Variants in TRMT5 observed in about 807,000 individuals in gnomAD.
TRMT5 encodes the protein tRNA methyltransferase 5.
Under a neutral mutation model 42.2 loss-of-function variants are expected in TRMT5, and 31 were observed. The ratio of observed to expected loss-of-function variants is 0.73; its 90% confidence interval spans 0.55 to 0.99. The LOEUF is 0.99. Among genes scored for constraint, TRMT5 ranks in the 50% least tolerant of loss-of-function variants. The pLI, the probability that TRMT5 is intolerant of heterozygous loss-of-function variation, is 0.00. For synonymous variants in TRMT5, 198 were observed against 209.6 expected, an observed-to-expected ratio of 0.94 and a Z score of 0.48; for missense variants, 568 against 595.0, an observed-to-expected ratio of 0.95 and a Z score of 0.47.
rs2036831512 is a variant in TRMT5 at position 60,975,414 on chromosome 14, G to T, written c.1444+61C>A. ...ATACTGCATTAAAATTTGTAAAACTGGGAGGAATTAGTTACAATTGAATGG... is the reference window on the plus strand; with the variant it reads ...ATACTGCATTAAAATTTGTAAAACTTGGAGGAATTAGTTACAATTGAATGG... On this transcript the variant is annotated intron_variant, in intron 4 of 4. Transcript: ENST00000261249. 2.6e-6 allele frequency: 4 copies of T among 1,558,230 alleles called. No individual in the cohort carries two copies. The East Asian group carries it at 9.0e-5, about 35-fold the overall frequency.
chr14:60,979,197 T>G lies in TRMT5; in HGVS notation c.667+34A>C, dbSNP rs1196142606. 76 of 1,515,638 alleles carry G rather than the reference T, an allele frequency of 5.0e-5. 1 individual carries two copies. The highest frequency in any genetic ancestry group is 6.5e-5 in the Non-Finnish European group (74 of 1,132,536). The allele number at this position is 1,515,638 out of a possible 1,614,324, so 93.9% of individuals were successfully genotyped here. A position where few individuals can be genotyped will look rare whatever the true frequency, so the allele number is the denominator to read the frequency against. ...TAAAATTAACAATTTGCAAATTCCCTTCAAATACATGAATATTACTATGAC... is the reference window on the plus strand; with the variant it reads ...TAAAATTAACAATTTGCAAATTCCCGTCAAATACATGAATATTACTATGAC... On this transcript the variant is annotated intron_variant, in intron 2 of 4. Transcript: ENST00000261249.
rs774324372 is a variant in TRMT5, at chr14:60,981,065, G to A, written c.-92C>T. 15 of 1,606,410 alleles carry A rather than the reference G, an allele frequency of 9.3e-6. No homozygotes were observed. The highest frequency in any genetic ancestry group is 1.3e-5 in the Non-Finnish European group (15 of 1,179,658). On this transcript the variant is annotated 5_prime_UTR_variant, in exon 1 of 5. Transcript: ENST00000261249. ...GATCGGATGTGGGTCGCGGGTGGAT[G>A]GGCGGGTCTTCTATGACATCATCAC...
rs746262994 is a variant in TRMT5 at position 60,975,008 on chromosome 14, G to C, written c.*101C>G. The C allele has an allele frequency of 6.4e-5, 55 of 855,078 alleles. No individual in the cohort carries two copies. Among genetic ancestry groups the C allele is most frequent in the Non-Finnish European group, 9.3e-5 (53 of 567,458 alleles). 53.0% of individuals were successfully genotyped at this position (855,078 alleles called of 1,614,324 possible). On this transcript the variant is annotated 3_prime_UTR_variant, in exon 5 of 5. Coordinates refer to ENST00000261249, the MANE Select transcript of TRMT5 (RefSeq NM_020810.3). ...ATTTGTAAAATAAGGCAAAGTACAA[G>C]GGTTCAATAGTAAAAACCAAACCCT...
intron 3 of TRMT5, among the ~76,000 whole-genome samples, chr14:60,976,945 G>T (rs761904739): frequency 6.6e-6 from 1 of 152,040 alleles, no homozygotes; most frequent in Non-Finnish European, 1.5e-5. Flanking sequence ...AGAATCAAAG[G>T]CCAGAAAGTT....
chr14:60,978,276 A>C (rs973466832), intron 2 of TRMT5, among the ~76,000 whole-genome samples: 1 of 152,248 alleles, frequency 6.6e-6, no homozygotes, highest in Admixed American at 6.5e-5. Context: ...AAAGTTATAA[A>C]AATCTATATG....
chr14:60,979,288 C>CA lies in TRMT5; in HGVS notation c.609dup (p.Gly204TrpfsTer25), dbSNP rs1488568176. The CA allele has an allele frequency of 1.2e-6, 2 of 1,613,852 alleles. No individual in the cohort carries two copies. The highest frequency in any genetic ancestry group is 2.7e-5 in the African/African-American group (2 of 74,902). On this transcript the variant is annotated frameshift_variant, in exon 2 of 5. Transcript: ENST00000261249. LOFTEE classifies it high-confidence loss of function. ...CGAAGGTTTAGGTGTGCAATATGTC[C>CA]AATCCTGCTAAACCCTGAAGTTACA...
At position 60,973,569 on chromosome 14, in the gene TRMT5, T is replaced by A. The variant is rs770267016; in HGVS notation, c.*1540A>T. 1 of 152,224 alleles carries A rather than the reference T, an allele frequency of 6.6e-6. No homozygotes were observed. The highest frequency in any genetic ancestry group is 1.5e-5 in the Non-Finnish European group (1 of 68,066). The allele number at this position is 152,224 out of a possible 1,614,324, so 9.4% of individuals were successfully genotyped here. ...ATTGGGAAGCCGAGATGGGAAGATC[T>A]CAAGCCTAGGAGTTCAAGGTTACAT... On this transcript the variant is annotated 3_prime_UTR_variant, in exon 5 of 5. Transcript: ENST00000261249.
In TRMT5 at chr14:60,977,559, A is replaced by G. The variant is rs758363782; in HGVS notation, c.747T>C (p.Asn249=). Residue 249 remains asparagine, a synonymous_variant, in exon 3 of 5, where the codon AAT becomes AAC. Coordinates refer to ENST00000261249, the MANE Select transcript of TRMT5 (RefSeq NM_020810.3). ...KINNIDNMYR[N]FQMEVLSGEQ... ...CTCCAGATAGCACTTCCATTTGGAA[A>G]TTTCGGTACATATTGTCAATATTAT... 1 of 1,611,248 alleles carries G rather than the reference A, an allele frequency of 6.2e-7. No individual in the cohort carries two copies. The highest frequency in any genetic ancestry group is 8.5e-7 in the Non-Finnish European group (1 of 1,178,512).
At chr14:60,978,588 G>A (rs1281726733) in intron 2 of TRMT5, among the ~76,000 whole-genome samples, 3 of 152,130 alleles carry the variant, frequency 2.0e-5, no homozygotes, top group African/African-American at 7.2e-5. Context: ...CACTTTTAAT[G>A]TATGAGTGCC....
At chr14:60,977,693 T>A in intron 2 of TRMT5, 55 bp from the exon 3 acceptor site, 1 of 1,488,318 alleles carries the variant, frequency 6.7e-7, no homozygotes, top group Non-Finnish European at 9.0e-7. Context: ...AAATAAAAGC[T>A]AACATTGTTA....
chr14:60,976,233 G>A (rs994035841), intron 3 of TRMT5, 107 bp from the exon 4 acceptor site: 99 of 1,276,184 alleles, frequency 7.8e-5, no homozygotes, highest in Non-Finnish European at 1.0e-4. Flanking sequence ...ACACATTTAA[G>A]TTTACTACTG....
In TRMT5 at chr14:60,973,555, G is replaced by A. The variant is rs959603218; in HGVS notation, c.*1554C>T. On this transcript the variant is annotated 3_prime_UTR_variant, in exon 5 of 5. Transcript: ENST00000261249. Reference sequence around the variant, plus strand: ...TGTAACCTTCACACATTGGGAAGCCGAGATGGGAAGATCTCAAGCCTAGGA... The same window carrying A: ...TGTAACCTTCACACATTGGGAAGCCAAGATGGGAAGATCTCAAGCCTAGGA... 2 of 152,250 alleles carry A rather than the reference G, an allele frequency of 1.3e-5. No homozygotes were observed. The highest frequency in any genetic ancestry group is 2.1e-4 in the South Asian group (1 of 4,826). 9.4% of individuals were successfully genotyped at this position (152,250 alleles called of 1,614,324 possible). A position where few individuals can be genotyped will look rare whatever the true frequency, so the allele number is the denominator to read the frequency against.
At chr14:60,981,407 C>A (rs112283719), upstream of TRMT5, 65 of 1,564,714 alleles carry the variant, frequency 4.2e-5, no homozygotes, top group African/African-American at 5.4e-4. Flanking sequence ...TTCGCTTCCC[C>A]GCGCTGACGC....
rs770753163 is a variant in TRMT5, at chr14:60,979,702, G to T, written c.196C>A (p.His66Asn). ...GAAAACAATTCAGTCTCTCTCTCAT[G>T]TGTTTCTGTTTCTGGCATGGTTGAG... ...RFSTMPETET[H>N]ERETELFSPP... Residue 66 changes from histidine (H) to asparagine (N), a missense_variant, in exon 2 of 5, where the codon CAT becomes AAT. Transcript: ENST00000261249. 6.2e-7 allele frequency: 1 copy of T among 1,614,126 alleles called. No individual in the cohort carries two copies. Among genetic ancestry groups the T allele is most frequent in the Non-Finnish European group, 8.5e-7 (1 of 1,180,030 alleles).
rs1305295669 is a variant in TRMT5 at position 60,973,059 on chromosome 14, A to G, written c.*2050T>C. On this transcript the variant is annotated 3_prime_UTR_variant, in exon 5 of 5. Transcript: ENST00000261249. ...TAAAAATGCTGAACTCAGAAAATAT[A>G]CTCACTAAAATTTGTGGGAATGGAA... 2 of 152,202 alleles carry G rather than the reference A, an allele frequency of 1.3e-5. No homozygotes were observed. Among genetic ancestry groups the G allele is most frequent in the East Asian group, 1.9e-4 (1 of 5,194 alleles). 9.4% of individuals were successfully genotyped at this position (152,202 alleles called of 1,614,324 possible).
chr14:60,979,778 C>A lies in TRMT5; in HGVS notation c.120G>T (p.Gln40His), dbSNP rs756166051. The A allele has an allele frequency of 3.1e-6, 5 of 1,613,776 alleles. No homozygotes were observed. The highest frequency in any genetic ancestry group is 4.2e-6 in the Non-Finnish European group (5 of 1,179,956). Reference protein sequence around the residue: ...LIPVAWTSLTQMLLEAPGIFL... With the variant: ...LIPVAWTSLTHMLLEAPGIFL... ...AAATACCAGGTGCTTCCAAAAGCAT[C>A]TGTGTCAGGGATGTCCAAGCTACTG... The change falls in exon 2 of 5, where the codon CAG (glutamine) becomes CAT (histidine). Residue 40 changes from glutamine to histidine, a missense_variant. Physicochemically the swap from Gln to His is conservative, Grantham distance 24. Transcript: ENST00000261249.
Position 60,977,563 on chromosome 14 carries a change from C to A in TRMT5, c.743G>T (p.Arg248Leu). Residue 248 changes from arginine to leucine, a missense_variant, in exon 3 of 5, where the codon CGA (arginine) becomes CTA (leucine). By Grantham distance (102) the Arg-to-Leu change is moderately radical (BLOSUM62 -2). Coordinates refer to ENST00000261249, the MANE Select transcript of TRMT5 (RefSeq NM_020810.3). ...NKINNIDNMY[R>L]NFQMEVLSGE... ...AGATAGCACTTCCATTTGGAAATTTCGGTACATATTGTCAATATTATTTAT... is the reference window on the plus strand; with the variant it reads ...AGATAGCACTTCCATTTGGAAATTTAGGTACATATTGTCAATATTATTTAT... 3.7e-6 allele frequency: 6 copies of A among 1,611,010 alleles called. No homozygotes were observed. Among genetic ancestry groups the A allele is most frequent in the Non-Finnish European group, 5.1e-6 (6 of 1,178,352 alleles).
In TRMT5 at chr14:60,981,014, G is replaced by A. The variant is rs373914199; in HGVS notation, c.-41C>T. The stretch of plus-strand genomic sequence containing the variant: ...CGCTCTGCAGCTGGATCCGCGAGCC[G>A]ACCCCTCACCTCCCGCTCCGGTACC... On this transcript the variant is annotated 5_prime_UTR_variant, in exon 1 of 5. Transcript: ENST00000261249. 7.9e-5 allele frequency: 128 copies of A among 1,611,152 alleles called. No individual in the cohort carries two copies. Among genetic ancestry groups the A allele is most frequent in the Non-Finnish European group, 1.0e-4 (121 of 1,180,028 alleles).
chr14:60,977,252 A>G (rs1302929872), intron 3 of TRMT5, among the ~76,000 whole-genome samples: 1 of 152,188 alleles, frequency 6.6e-6, no homozygotes, highest in Non-Finnish European at 1.5e-5. Context: ...TTGTCAACCT[A>G]TCGATGGACA....
Sources: gnomAD v4.1 joint callset for allele counts (sites outside exome capture counted in the v4.1 genomes callset) on GRCh38, gnomAD v4.1.1 for gene constraint, MANE v1.5 for transcripts, NCBI Gene and HGNC (gene_info 2026-07-23, HGNC 2026-07-21) for gene names.